Variants in ADAMTS6 observed in about 807,000 individuals in gnomAD.
The protein encoded by ADAMTS6 is A disintegrin and metalloproteinase with thrombospondin motifs 6.
A neutral mutation model predicts 144.3 loss-of-function variants in ADAMTS6; 23 were observed. That is an observed-to-expected ratio of 0.16 (90% CI 0.11 to 0.23). ADAMTS6 has a LOEUF of 0.23. Ranked by LOEUF, ADAMTS6 falls within the 10% of genes least tolerant of loss-of-function variation. The pLI is 1.00. For synonymous variants in ADAMTS6, 444 were observed against 457.5 expected, an observed-to-expected ratio of 0.97 and a Z score of 0.38; for missense variants, 999 against 1,379.6, an observed-to-expected ratio of 0.72 and a Z score of 4.37.
At chr5:65,276,232 C>G (rs1378729202) in intron 11 of ADAMTS6, among the ~76,000 whole-genome samples, 1 of 152,162 alleles carries the variant, frequency 6.6e-6, no homozygotes, top group Non-Finnish European at 1.5e-5. Flanking sequence ...AAAACTAGAT[C>G]TCCACTTCTA....
chr5:65,428,996 T>G (rs10043963), intron 7 of ADAMTS6, among the ~76,000 whole-genome samples: 1,595 of 152,290 alleles, frequency 0.01, 24 homozygotes, highest in African/African-American at 0.037. Context: ...ACACTGAGTA[T>G]TTTTACTTGA....
intron 1 of ADAMTS6, among the ~76,000 whole-genome samples, chr5:65,480,224 C>T (rs1171205533): frequency 1.3e-5 from 2 of 152,100 alleles, no homozygotes; most frequent in Admixed American, 6.5e-5. Flanking sequence ...ATAAAAAGAA[C>T]ATGTTGAAAA....
intron 7 of ADAMTS6, among the ~76,000 whole-genome samples, chr5:65,419,486 A>C (rs112035701): frequency 6.6e-6 from 1 of 152,330 alleles, no homozygotes; most frequent in African/African-American, 2.4e-5. Flanking sequence ...TTTGTACCCC[A>C]AACCTCAGCA....
intron 7 of ADAMTS6, among the ~76,000 whole-genome samples, chr5:65,341,851 C>T (rs1747864283): frequency 1.3e-5 from 2 of 152,038 alleles, no homozygotes; most frequent in South Asian, 2.1e-4. Context: ...TATGAGGCCA[C>T]CATAACTCTG....
chr5:65,295,714 G>T (rs1314581324), intron 10 of ADAMTS6, among the ~76,000 whole-genome samples: 2 of 151,906 alleles, frequency 1.3e-5, no homozygotes, highest in East Asian at 1.9e-4. Flanking sequence ...TGAATTCCTA[G>T]ACTCTATTTT....
intron 7 of ADAMTS6, among the ~76,000 whole-genome samples, chr5:65,423,774 C>T (rs9291838): frequency 0.39 from 58,624 of 151,720 alleles, 11,641 homozygotes; most frequent in South Asian, 0.43. Context: ...TCACAAAATA[C>T]AGAATGTAAA....
chr5:65,210,151 G>A (rs1580065156), intron 20 of ADAMTS6: 2 of 216,212 alleles, frequency 9.3e-6, no homozygotes, highest in South Asian at 1.6e-4. Flanking sequence ...GGTTTGGCAT[G>A]GATAAGATCT....
intron 8 of ADAMTS6, 80 bp from the exon 9 acceptor site, chr5:65,329,563 T>A (rs1746511228): frequency 8.1e-7 from 1 of 1,227,366 alleles, no homozygotes; most frequent in African/African-American, 1.6e-5. Flanking sequence ...AATGCCTGGA[T>A]TCTTTTTAAT....
In ADAMTS6 at chr5:65,234,403, TAA is replaced by T. The variant is rs70983665; in HGVS notation, c.1933+7699_1933+7700del. 9.9e-3 allele frequency among the ~76,000 whole-genome samples: 1,415 copies of T among 143,354 alleles called. 24 individuals are homozygous for T. The highest frequency in any genetic ancestry group is 0.071 in the South Asian group (325 of 4,562). 94.0% of individuals were successfully genotyped at this position (143,354 alleles called of 152,430 possible). A position where few individuals can be genotyped will look rare whatever the true frequency, so the allele number is the denominator to read the frequency against. ...ATAAGGAACTCATACAACTCAATAG[TAA>T]AAAAAAAAAAAATCTAATTAAAAAA... On this transcript the variant is annotated intron_variant, in intron 15 of 24. Coordinates refer to ENST00000381055, the MANE Select transcript of ADAMTS6 (RefSeq NM_197941.4).
chr5:65,450,505 CATCA>C (rs1485127307), intron 7 of ADAMTS6, among the ~76,000 whole-genome samples: 1 of 152,058 alleles, frequency 6.6e-6, no homozygotes, highest in African/African-American at 2.4e-5. Context: ...TTGAAATAAC[CATCA>C]TACCAAAGAC....
At chr5:65,453,798 A>C (rs1444962010) in intron 4 of ADAMTS6, among the ~76,000 whole-genome samples, 1 of 152,212 alleles carries the variant, frequency 6.6e-6, no homozygotes, top group Non-Finnish European at 1.5e-5. Context: ...CCCACTTATT[A>C]AAAAATTTAG....
chr5:65,264,163 TTAGAAAGATCTTTTAAAAAC>T (rs1761427864), intron 12 of ADAMTS6, among the ~76,000 whole-genome samples: 1 of 152,182 alleles, frequency 6.6e-6, no homozygotes, highest in South Asian at 2.1e-4. Flanking sequence ...CAGAGAGCAT[TTAGAAAGATCTTTTAAAAAC>T]ATGCTATCAC....
chr5:65,237,448 A>G (rs1416156559), intron 15 of ADAMTS6, among the ~76,000 whole-genome samples: 2 of 151,586 alleles, frequency 1.3e-5, no homozygotes, highest in Non-Finnish European at 2.9e-5. Flanking sequence ...ACAACCATAT[A>G]GCCCTTTTCT....
intron 20 of ADAMTS6, 84 bp from the exon 21 acceptor site, chr5:65,197,235 T>C: frequency 7.1e-7 from 1 of 1,417,010 alleles, no homozygotes; most frequent in Non-Finnish European, 9.6e-7. Flanking sequence ...CTGTGGGGAA[T>C]TGACCTCACT....
intron 7 of ADAMTS6, among the ~76,000 whole-genome samples, chr5:65,344,103 C>A (rs995323637): frequency 6.6e-6 from 1 of 151,794 alleles, no homozygotes; most frequent in African/African-American, 2.4e-5. Flanking sequence ...ATAGAGATAG[C>A]CAGAAATGTC....
chr5:65,160,338 G>T (rs1426751658), intron 24 of ADAMTS6, among the ~76,000 whole-genome samples: 2 of 145,648 alleles, frequency 1.4e-5, no homozygotes, highest in African/African-American at 5.2e-5. Context: ...GAGGAGTCTC[G>T]CTCTGTCGCC....
At chr5:65,441,210 T>C (rs1249106716) in intron 7 of ADAMTS6, among the ~76,000 whole-genome samples, 1 of 152,106 alleles carries the variant, frequency 6.6e-6, no homozygotes, top group African/African-American at 2.4e-5. Flanking sequence ...AAAATACATA[T>C]TAGACCAGAC....
At chr5:65,210,505 G>T (rs1162472826) in intron 20 of ADAMTS6, 26 of 330,032 alleles carry the variant, frequency 7.9e-5, no homozygotes, top group East Asian at 2.2e-4. Context: ...GATTGGAGAT[G>T]AATATAATGT....
chr5:65,254,427 C>A (rs1291955592), intron 14 of ADAMTS6, among the ~76,000 whole-genome samples: 2 of 152,020 alleles, frequency 1.3e-5, no homozygotes, highest in African/African-American at 4.8e-5. Flanking sequence ...AAACACATGG[C>A]AAATTCCTAG....
Sources: allele counts gnomAD v4.1 joint callset (sites outside exome capture counted in the v4.1 genomes callset), GRCh38; gene constraint gnomAD v4.1.1; transcripts MANE v1.5; gene names NCBI Gene and HGNC (gene_info 2026-07-23, HGNC 2026-07-21).